The following CSMD1 variants were observed in gnomAD, a reference collection of about 807,000 sequenced individuals.
CSMD1 encodes CUB and Sushi multiple domains 1, also known as CUB and sushi domain-containing protein 1.
A neutral mutation model predicts 417.5 loss-of-function variants in CSMD1; 213 were observed. The ratio of observed to expected loss-of-function variants is 0.51; its 90% CI spans 0.46 to 0.57. The LOEUF is 0.57. Among genes scored for constraint, CSMD1 ranks in the 20% least tolerant of loss-of-function variants. The pLI, the probability that CSMD1 is intolerant of heterozygous loss-of-function variation, is 0.00. For missense variants in CSMD1, 6,923 were observed against 4,529.7 expected (o/e 1.53, Z -15.17); for synonymous variants, 2,862 against 1,736.8 (o/e 1.65, Z -16.11).
intron 5 of CSMD1, among the ~76,000 whole-genome samples, chr8:3,862,004 A>G (rs749216466): frequency 1.3e-5 from 2 of 152,202 alleles, no homozygotes; most frequent in East Asian, 1.9e-4. Flanking sequence ...TGGAACATCT[A>G]AAACCAACAC....
chr8:4,914,217 C>G (rs1344632525), intron 1 of CSMD1, among the ~76,000 whole-genome samples: 2 of 152,118 alleles, frequency 1.3e-5, no homozygotes, highest in Non-Finnish European at 2.9e-5. Context: ...GCAATCATTT[C>G]TGTTACAAAG....
intron 5 of CSMD1, among the ~76,000 whole-genome samples, chr8:3,783,348 C>T (rs1452060834): frequency 6.6e-6 from 1 of 152,236 alleles, no homozygotes; most frequent in Non-Finnish European, 1.5e-5. Flanking sequence ...GTCCGTACAA[C>T]TCTGTGAGCA....
At chr8:4,779,658 T>A (rs1157312831) in intron 1 of CSMD1, among the ~76,000 whole-genome samples, 1 of 152,212 alleles carries the variant, frequency 6.6e-6, no homozygotes, top group African/African-American at 2.4e-5. Flanking sequence ...TTTAGCATTT[T>A]TATAAATAGT....
In CSMD1 at chr8:3,221,830, T is replaced by C. The variant is rs1363198202; in HGVS notation, c.4484+1899A>G. 1.3e-5 allele frequency among the ~76,000 whole-genome samples: 2 copies of C among 152,084 alleles called. 1 individual carries two copies. The highest frequency in any genetic ancestry group is 3.9e-4 in the East Asian group (2 of 5,174). On this transcript the variant is annotated intron_variant, in intron 28 of 69. Coordinates refer to ENST00000635120, the MANE Select transcript of CSMD1 (RefSeq NM_033225.6). ...TCTCATCCACAGCCCTGAACGAGCCTGGGAGCCCATATGTCCTTCAGGTCA... is the reference window on the plus strand; with the variant it reads ...TCTCATCCACAGCCCTGAACGAGCCCGGGAGCCCATATGTCCTTCAGGTCA...
At position 4,322,899 on chromosome 8, in the gene CSMD1, C is replaced by T. The variant is rs575326367; in HGVS notation, c.415+97054G>A. The stretch of plus-strand genomic sequence containing the variant: ...ACTCAGGAGGCTGAGGCAGGAGAAT[C>T]GCTTGAACCCTGGAGGTGGAGGTTG... On this transcript the variant is annotated intron_variant, in intron 3 of 69. Transcript: ENST00000635120. Among the ~76,000 whole-genome samples the T allele has an allele frequency of 1.5e-4, 23 of 152,280 alleles. No homozygotes were observed. The East Asian group carries it at 2.7e-3, about 18-fold the overall frequency.
chr8:3,232,868 T>C (rs754684657), intron 26 of CSMD1, among the ~76,000 whole-genome samples: 7 of 152,160 alleles, frequency 4.6e-5, no homozygotes, highest in Non-Finnish European at 7.3e-5. Context: ...TTAGTTGTAA[T>C]AGTCTTACCT....
intron 5 of CSMD1, among the ~76,000 whole-genome samples, chr8:3,780,120 C>CTGAT (rs1799097807): frequency 6.6e-6 from 1 of 152,186 alleles, no homozygotes; most frequent in African/African-American, 2.4e-5. Context: ...AAGGCTTGCG[C>CTGAT]TGATATAAAC....
chr8:3,789,606 T>C (rs17067561), intron 5 of CSMD1, among the ~76,000 whole-genome samples: 9,017 of 151,920 alleles, frequency 0.059, 494 homozygotes, highest in East Asian at 0.13. Context: ...AGATACTGAA[T>C]AATTCTTTTA....
intron 2 of CSMD1, among the ~76,000 whole-genome samples, chr8:4,620,947 T>C (rs1417517629): frequency 6.6e-6 from 1 of 151,942 alleles, no homozygotes; most frequent in Non-Finnish European, 1.5e-5. Flanking sequence ...ATGTGGTCTT[T>C]AAAAAAATCA....
At chr8:3,792,839 T>C (rs1290531059) in intron 5 of CSMD1, among the ~76,000 whole-genome samples, 1 of 152,206 alleles carries the variant, frequency 6.6e-6, no homozygotes, top group Admixed American at 6.5e-5. Flanking sequence ...GTATTTGACT[T>C]GAAGCACAGG....
chr8:4,449,493 G>A (rs1052844424), intron 2 of CSMD1, among the ~76,000 whole-genome samples: 17 of 152,124 alleles, frequency 1.1e-4, no homozygotes, highest in African/African-American at 4.1e-4. Context: ...AGTGTAATAT[G>A]AAGTTACTTG....
intron 42 of CSMD1, among the ~76,000 whole-genome samples, chr8:3,117,289 T>C (rs1161838885): frequency 6.6e-6 from 1 of 152,178 alleles, no homozygotes; most frequent in East Asian, 1.9e-4. Flanking sequence ...GCCAGGATGG[T>C]CTTGATCTCC....
At chr8:4,459,784 AT>A (rs1419842573) in intron 2 of CSMD1, among the ~76,000 whole-genome samples, 1 of 152,282 alleles carries the variant, frequency 6.6e-6, no homozygotes, top group African/African-American at 2.4e-5. Flanking sequence ...GAGAAAATTA[AT>A]TTTTGCTGTT....
chr8:4,391,674 T>C (rs780950603), intron 3 of CSMD1, among the ~76,000 whole-genome samples: 16 of 152,148 alleles, frequency 1.1e-4, no homozygotes, highest in Non-Finnish European at 2.4e-4. Flanking sequence ...GACGGCTTAC[T>C]TCCACTTAGC....
At chr8:4,110,802 G>A (rs1801811684) in intron 3 of CSMD1, among the ~76,000 whole-genome samples, 1 of 152,026 alleles carries the variant, frequency 6.6e-6, no homozygotes, top group African/African-American at 2.4e-5. Flanking sequence ...GAATATGTAT[G>A]TTTTTAAATG....
intron 54 of CSMD1, among the ~76,000 whole-genome samples, chr8:2,991,760 T>C (rs560030138): frequency 1.4e-4 from 22 of 152,332 alleles, no homozygotes; most frequent in African/African-American, 2.4e-4. Context: ...AATACATAAA[T>C]AGCATTTGGT....
At chr8:4,595,277 G>T (rs1800197278) in intron 2 of CSMD1, among the ~76,000 whole-genome samples, 1 of 147,554 alleles carries the variant, frequency 6.8e-6, no homozygotes, top group Non-Finnish European at 1.5e-5. Flanking sequence ...GGTATAATAT[G>T]ATAAATAAAA....
chr8:4,710,118 C>T (rs973471026), intron 1 of CSMD1, among the ~76,000 whole-genome samples: 2 of 152,018 alleles, frequency 1.3e-5, no homozygotes, highest in African/African-American at 4.8e-5. Context: ...TTCTGATAAC[C>T]TTCGCCTGGA....
chr8:3,601,443 G>A (rs1362363169), intron 8 of CSMD1, among the ~76,000 whole-genome samples: 6 of 152,190 alleles, frequency 3.9e-5, no homozygotes, highest in Non-Finnish European at 8.8e-5. Context: ...AAGCCCATCT[G>A]TATTTAGTCA....
Sources: gnomAD v4.1 joint callset for allele counts (sites outside exome capture counted in the v4.1 genomes callset) on GRCh38, gnomAD v4.1.1 for gene constraint, MANE v1.5 for transcripts, NCBI Gene and HGNC (gene_info 2026-07-23, HGNC 2026-07-21) for gene names.